ATF7: variants seen among roughly 807,000 people sequenced by gnomAD.
ATF7 encodes cyclic AMP-dependent transcription factor ATF-7.
In ATF7, 10 loss-of-function variants were observed where a neutral mutation model predicts 50.4. That is an observed-to-expected ratio of 0.20 (90% CI 0.12 to 0.34). The LOEUF is 0.34. Ranked by LOEUF, ATF7 falls within the 10% of genes least tolerant of loss-of-function variation. The pLI is 1.00. For synonymous variants in ATF7, 201 were observed against 226.4 expected (o/e 0.89, Z 1.01); for missense variants, 465 against 613.9 (o/e 0.76, Z 2.56).
chr12:53,577,963 A>G (rs986011308), intron 2 of ATF7, among the ~76,000 whole-genome samples: 2 of 152,116 alleles, frequency 1.3e-5, no homozygotes, highest in Non-Finnish European at 2.9e-5. Flanking sequence ...AGGCAGAGGG[A>G]AAATCACCTT....
At chr12:53,550,254 G>C (rs953989783) in intron 3 of ATF7, among the ~76,000 whole-genome samples, 3 of 151,320 alleles carry the variant, frequency 2.0e-5, no homozygotes, top group Non-Finnish European at 4.4e-5. Context: ...AGCCTGGGAG[G>C]GGGAGGTTGT....
intron 1 of ATF7, among the ~76,000 whole-genome samples, chr12:53,613,713 G>A (rs1009286515): frequency 3.3e-5 from 5 of 151,656 alleles, no homozygotes; most frequent in Admixed American, 3.3e-4. Context: ...TAAAGACAAG[G>A]TCTCACTATA....
chr12:53,523,989 G>C (rs1473833428), intron 10 of ATF7, among the ~76,000 whole-genome samples: 1 of 152,178 alleles, frequency 6.6e-6, no homozygotes, highest in Non-Finnish European at 1.5e-5. Flanking sequence ...CATACTGAAT[G>C]TATCTACAGG....
downstream of ATF7, among the ~76,000 whole-genome samples, chr12:53,508,571 T>G (rs116024463): frequency 0.017 from 2,348 of 139,758 alleles, 52 homozygotes; most frequent in African/African-American, 0.06. Flanking sequence ...AAAAAAAAAA[T>G]TATTAAGATA....
Position 53,517,034 on chromosome 12 carries a change from C to G in ATF7, c.*103G>C. On this transcript the variant is annotated 3_prime_UTR_variant, in exon 12 of 12. Transcript: ENST00000420353. ...ACTCACAACACACAATTCCCCCCACCCATATTGCCATGTCCAAGGCAGATG... is the reference window on the plus strand; with the variant it reads ...ACTCACAACACACAATTCCCCCCACGCATATTGCCATGTCCAAGGCAGATG... The G allele has an allele frequency of 8.0e-7, 1 of 1,256,744 alleles. No individual in the cohort carries two copies. Among genetic ancestry groups the G allele is most frequent in the South Asian group, 1.3e-5 (1 of 77,972 alleles). 77.8% of individuals were successfully genotyped at this position (1,256,744 alleles called of 1,614,324 possible). A position where few individuals can be genotyped will look rare whatever the true frequency, so the allele number is the denominator to read the frequency against.
chr12:53,508,798 GAGGA>G (rs1399145145), downstream of ATF7, among the ~76,000 whole-genome samples: 1 of 152,156 alleles, frequency 6.6e-6, no homozygotes, highest in Admixed American at 6.5e-5. Flanking sequence ...GACCTCTGCA[GAGGA>G]AGTGAGGAGG....
In ATF7 at chr12:53,512,635, T is replaced by C. The variant is rs80046306; in HGVS notation, c.*4502A>G. On this transcript the variant is annotated 3_prime_UTR_variant, in exon 12 of 12. Transcript: ENST00000420353. ...GTAACAGAGAACATGGAGTGACCAG[T>C]CTGCAAGGGAATATGGGACAACTCC... 9,377 of 152,242 alleles carry C rather than the reference T, an allele frequency of 0.062. 438 individuals carry two copies. Among genetic ancestry groups the C allele is most frequent in the Non-Finnish European group, 0.099 (6,708 of 68,006 alleles). 9.4% of individuals were successfully genotyped at this position (152,242 alleles called of 1,614,324 possible).
At chr12:53,599,630 T>A (rs948049787) in intron 2 of ATF7, among the ~76,000 whole-genome samples, 5 of 152,180 alleles carry the variant, frequency 3.3e-5, no homozygotes, top group African/African-American at 1.2e-4. Flanking sequence ...GAATTTGGAA[T>A]CTTCCTTCTG....
At chr12:53,522,106 C>T (rs1313920196) in intron 11 of ATF7, among the ~76,000 whole-genome samples, 1 of 152,232 alleles carries the variant, frequency 6.6e-6, no homozygotes, top group Non-Finnish European at 1.5e-5. Context: ...CTGAGCACAA[C>T]TCTGTGGCCA....
At chr12:53,556,259 T>G (rs1441375222) in intron 2 of ATF7, among the ~76,000 whole-genome samples, 5 of 152,248 alleles carry the variant, frequency 3.3e-5, no homozygotes, top group African/African-American at 1.2e-4. Context: ...ATATCATTAA[T>G]TTCTCTTGTA....
In ATF7 at chr12:53,526,614, G is replaced by T. The variant is rs139387330; in HGVS notation, c.928-1853C>A. 4.1e-3 allele frequency among the ~76,000 whole-genome samples: 619 copies of T among 152,290 alleles called. 1 individual carries two copies. The highest frequency in any genetic ancestry group is 0.014 in the African/African-American group (568 of 41,544). On this transcript the variant is annotated intron_variant, in intron 9 of 11. Transcript: ENST00000420353. ...TCTGGTAATCCCAATACTTTGGGAG[G>T]CCGAGGCAGGTGGATCACCTGAGGT... is the stretch of plus-strand genomic sequence containing the variant.
In ATF7 at chr12:53,519,989, G is replaced by A. The variant is rs970917457; in HGVS notation, c.1235-2635C>T. ...TCTCGATCTCCTGACCTCGTGATCCGCCCGCCTCAGCCTCCCAAAGTGCTG... is the reference window on the plus strand; with the variant it reads ...TCTCGATCTCCTGACCTCGTGATCCACCCGCCTCAGCCTCCCAAAGTGCTG... On this transcript the variant is annotated intron_variant, in intron 11 of 11. Coordinates refer to ENST00000420353, the MANE Select transcript of ATF7 (RefSeq NM_006856.3). Among the ~76,000 whole-genome samples, 3 of 151,936 alleles carry A rather than the reference G, an allele frequency of 2.0e-5. No individual in the cohort carries two copies. In the East Asian group the frequency reaches 5.8e-4, roughly 30 times the overall value.
chr12:53,523,434 T>C, intron 10 of ATF7, 50 bp from the exon 11 acceptor site: 1 of 1,346,312 alleles, frequency 7.4e-7, no homozygotes, highest in Non-Finnish European at 1.1e-6. Context: ...TCCTCTACTC[T>C]TGCACCCTCA....
intron 2 of ATF7, among the ~76,000 whole-genome samples, chr12:53,594,949 C>T (rs1257289766): frequency 1.3e-5 from 2 of 151,232 alleles, no homozygotes; most frequent in African/African-American, 4.9e-5. Flanking sequence ...TACGTAAGAG[C>T]GGTCTACTTC....
At chr12:53,547,864 C>CTATG (rs1265383337) in intron 3 of ATF7, among the ~76,000 whole-genome samples, 3 of 151,750 alleles carry the variant, frequency 2.0e-5, no homozygotes, top group Non-Finnish European at 4.4e-5. Flanking sequence ...GTGATTATAG[C>CTATG]TATGTATGTA....
At chr12:53,559,189 C>T (rs1940932535) in intron 2 of ATF7, among the ~76,000 whole-genome samples, 1 of 150,794 alleles carries the variant, frequency 6.6e-6, no homozygotes, top group African/African-American at 2.4e-5. Context: ...GAATAAATCT[C>T]AATGAATAAA....
intron 1 of ATF7, among the ~76,000 whole-genome samples, chr12:53,619,065 AAAG>A (rs1395132550): frequency 2.0e-5 from 3 of 152,024 alleles, no homozygotes; most frequent in Non-Finnish European, 2.9e-5. Context: ...AAAAAAAAAA[AAAG>A]AAGAAAATGA....
intron 2 of ATF7, among the ~76,000 whole-genome samples, chr12:53,556,355 G>A (rs914372791): frequency 1.2e-4 from 19 of 152,224 alleles, no homozygotes; most frequent in African/African-American, 4.3e-4. Context: ...TTGGGATGCC[G>A]AGGCAGGTGG....
In ATF7 at chr12:53,533,191, C is replaced by T; in HGVS notation, c.629G>A (p.Gly210Glu). 4 of 1,613,806 alleles carry T rather than the reference C, an allele frequency of 2.5e-6. No individual in the cohort carries two copies. The highest frequency in any genetic ancestry group is 3.4e-6 in the Non-Finnish European group (4 of 1,179,814). Reference protein sequence around the residue: ...ANGQTMPVLPGPPVQMPSVIS... With the variant: ...ANGQTMPVLPEPPVQMPSVIS... ...AACAGACGGCATCTGTACTGGAGGC[C>T]CTGGCAACACAGGCATGGTCTGTCC... is the stretch of plus-strand genomic sequence containing the variant. The change falls in exon 7 of 12, where the codon GGG becomes GAG. Residue 210 changes from glycine (G) to glutamate (E), a missense_variant. Transcript: ENST00000420353.
Sources: allele counts gnomAD v4.1 joint callset (sites outside exome capture counted in the v4.1 genomes callset), GRCh38; gene constraint gnomAD v4.1.1; transcripts MANE v1.5; gene names NCBI Gene and HGNC (gene_info 2026-07-23, HGNC 2026-07-21).